The following ANO10 variants were observed in gnomAD, a reference collection of about 807,000 sequenced individuals.
ANO10 encodes anoctamin-10.
Under a neutral mutation model 74.7 loss-of-function variants are expected in ANO10, and 77 were observed. The observed-to-expected ratio is 1.03, with a 90% CI of 0.86 to 1.25. ANO10 has a LOEUF of 1.25. Among genes scored for constraint, ANO10 ranks in the 50% most tolerant of loss-of-function variants. The pLI is 0.00. For synonymous variants in ANO10, 279 were observed against 284.9 expected, an observed-to-expected ratio of 0.98 and a Z score of 0.21; for missense variants, 721 against 778.1, an observed-to-expected ratio of 0.93 and a Z score of 0.87.
intron 11 of ANO10, among the ~76,000 whole-genome samples, chr3:43,461,858 C>A (rs763634956): frequency 3.3e-5 from 5 of 152,142 alleles, no homozygotes; most frequent in Non-Finnish European, 5.9e-5. Context: ...AATGTGGAAG[C>A]AATTTTGGAA....
At chr3:43,537,650 C>A (rs1302048218) in intron 11 of ANO10, among the ~76,000 whole-genome samples, 1 of 150,884 alleles carries the variant, frequency 6.6e-6, no homozygotes, top group African/African-American at 2.4e-5. Flanking sequence ...CACACACACA[C>A]ACGTAACTAA....
At chr3:43,422,357 C>T (rs988908963) in intron 12 of ANO10, among the ~76,000 whole-genome samples, 6 of 152,138 alleles carry the variant, frequency 3.9e-5, no homozygotes, top group African/African-American at 1.4e-4. Context: ...CCTTGTGGTC[C>T]GCCTGCCTCA....
At chr3:43,675,460 T>C (rs1029968800) in intron 1 of ANO10, among the ~76,000 whole-genome samples, 7 of 152,150 alleles carry the variant, frequency 4.6e-5, no homozygotes, top group African/African-American at 1.7e-4. Flanking sequence ...AAGCTACAGA[T>C]GTCAGGAAGT....
At chr3:43,491,586 G>A (rs1255460074) in intron 11 of ANO10, among the ~76,000 whole-genome samples, 1 of 151,934 alleles carries the variant, frequency 6.6e-6, no homozygotes, top group Non-Finnish European at 1.5e-5. Flanking sequence ...CACCTGCTTG[G>A]ACCTCTTCCA....
intron 1 of ANO10, among the ~76,000 whole-genome samples, chr3:43,669,627 G>A (rs977621093): frequency 6.6e-6 from 1 of 152,148 alleles, no homozygotes; most frequent in African/African-American, 2.4e-5. Context: ...TGATTTTTCA[G>A]ATTATTCAGC....
chr3:43,469,666 C>T (rs2075774156), intron 11 of ANO10, among the ~76,000 whole-genome samples: 1 of 152,200 alleles, frequency 6.6e-6, no homozygotes. Context: ...AGAACACCCC[C>T]ACTAAGGAAG....
At chr3:43,565,756 G>C (rs764001307) in intron 7 of ANO10, 29 bp from the exon 8 acceptor site, 4 of 1,427,132 alleles carry the variant, frequency 2.8e-6, no homozygotes, top group Non-Finnish European at 3.8e-6. Context: ...AAAAAGATAA[G>C]TGTTAAGCAC....
chr3:43,493,280 T>TG (rs1277556442), intron 11 of ANO10, among the ~76,000 whole-genome samples: 3 of 151,982 alleles, frequency 2.0e-5, no homozygotes, highest in African/African-American at 7.2e-5. Context: ...CTGTGGGGCA[T>TG]GGGGGGCTAG....
intron 1 of ANO10, among the ~76,000 whole-genome samples, chr3:43,672,582 T>C (rs2084072874): frequency 6.6e-6 from 1 of 152,092 alleles, no homozygotes; most frequent in Non-Finnish European, 1.5e-5. Context: ...TCAGATGCAC[T>C]TTCATAAATC....
intron 1 of ANO10, among the ~76,000 whole-genome samples, chr3:43,675,807 T>C (rs2084114557): frequency 6.6e-6 from 1 of 152,166 alleles, no homozygotes; most frequent in African/African-American, 2.4e-5. Context: ...ACTAGGTTGA[T>C]CACACTTTGC....
At chr3:43,459,502 G>C (rs150657619) in intron 11 of ANO10, among the ~76,000 whole-genome samples, 2 of 152,326 alleles carry the variant, frequency 1.3e-5, no homozygotes, top group East Asian at 3.9e-4. Context: ...ATATCTGCCA[G>C]TAGAAGAATG....
At position 43,673,771 on chromosome 3, in the gene ANO10, C is replaced by A. The variant is rs1229184662; in HGVS notation, c.-12+17746G>T. On this transcript the variant is annotated intron_variant, in intron 1 of 3. Transcript: ENST00000413397. Reference sequence around the variant, plus strand: ...AGAGGAAAAGAACACTATTAAAATTCTCTCCCCAAATCATCGCGACTTTAA... The same window carrying A: ...AGAGGAAAAGAACACTATTAAAATTATCTCCCCAAATCATCGCGACTTTAA... 2.0e-5 allele frequency among the ~76,000 whole-genome samples: 3 copies of A among 152,148 alleles called. No homozygotes were observed. In the East Asian group the frequency reaches 5.8e-4, roughly 29 times the overall value.
intron 11 of ANO10, among the ~76,000 whole-genome samples, chr3:43,468,632 C>G (rs946390826): frequency 2.0e-5 from 3 of 152,172 alleles, no homozygotes; most frequent in African/African-American, 7.2e-5. Flanking sequence ...TCAAACTAAA[C>G]AATCTCAGCA....
At chr3:43,587,687 A>G (rs1460355954) in intron 4 of ANO10, among the ~76,000 whole-genome samples, 2 of 152,210 alleles carry the variant, frequency 1.3e-5, no homozygotes, top group Non-Finnish European at 1.5e-5. Flanking sequence ...AAGTTAAAAC[A>G]TGATTAAGAG....
intron 10 of ANO10, chr3:43,551,565 A>G (rs749280782): frequency 2.0e-5 from 9 of 456,882 alleles, no homozygotes; most frequent in Admixed American, 1.2e-4. Context: ...CTCTCTTTAC[A>G]CCTGTGTCCA....
chr3:43,553,039 C>T (rs1448645975), intron 10 of ANO10, among the ~76,000 whole-genome samples: 1 of 152,088 alleles, frequency 6.6e-6, no homozygotes, highest in Non-Finnish European at 1.5e-5. Context: ...GGTGATCCAC[C>T]TGCCTCAGCC....
chr3:43,657,059 C>T (rs780433496), intron 1 of ANO10, among the ~76,000 whole-genome samples: 123 of 152,294 alleles, frequency 8.1e-4, no homozygotes, highest in Non-Finnish European at 1.5e-3. Flanking sequence ...ACTCTTCATC[C>T]AAAAATAAAT....
At chr3:43,454,119 T>G (rs899100489) in intron 11 of ANO10, among the ~76,000 whole-genome samples, 3 of 152,180 alleles carry the variant, frequency 2.0e-5, no homozygotes, top group Admixed American at 1.3e-4. Context: ...TGGGCAGGCT[T>G]TCTTCTGGGG....
intron 12 of ANO10, among the ~76,000 whole-genome samples, chr3:43,402,337 C>T (rs1300427243): frequency 6.6e-6 from 1 of 152,146 alleles, no homozygotes; most frequent in East Asian, 1.9e-4. Flanking sequence ...CATCTTCTGC[C>T]CTCACCCTCA....
Sources: allele counts gnomAD v4.1 joint callset (sites outside exome capture counted in the v4.1 genomes callset), GRCh38; gene constraint gnomAD v4.1.1; transcripts MANE v1.5; gene names NCBI Gene and HGNC (gene_info 2026-07-23, HGNC 2026-07-21).